Variants in MACROD2 observed in about 807,000 individuals in gnomAD.
The protein encoded by MACROD2 is ADP-ribose glycohydrolase MACROD2.
MACROD2 carries 36 observed loss-of-function variants against 70.4 expected under a neutral mutation model. The ratio of observed to expected loss-of-function variants is 0.51; its 90% CI spans 0.39 to 0.68. The LOEUF (loss-of-function observed/expected upper bound fraction) is 0.68. Ranked by LOEUF, MACROD2 falls within the 30% of genes least tolerant of loss-of-function variation. The pLI, the probability that MACROD2 is intolerant of heterozygous loss-of-function variation, is 0.00. For missense variants in MACROD2, 496 were observed against 538.4 expected (o/e 0.92, Z 0.78); for synonymous variants, 172 against 178.8 (o/e 0.96, Z 0.30).
chr20:15,518,450 T>G (rs1211007911), intron 8 of MACROD2, among the ~76,000 whole-genome samples: 2 of 152,256 alleles, frequency 1.3e-5, no homozygotes, highest in African/African-American at 4.8e-5. Context: ...GGCTCAGTAT[T>G]GGCAATTGTG....
chr20:15,537,150 T>C (rs554843584), intron 8 of MACROD2, among the ~76,000 whole-genome samples: 53 of 152,290 alleles, frequency 3.5e-4, no homozygotes, highest in African/African-American at 1.2e-3. Context: ...ATTCTTGTGG[T>C]AGTGAATAAG....
At chr20:15,240,595 G>T (rs568774406) in intron 6 of MACROD2, among the ~76,000 whole-genome samples, 1 of 152,274 alleles carries the variant, frequency 6.6e-6, no homozygotes, top group South Asian at 2.1e-4. Flanking sequence ...AAAGGAAAAT[G>T]GGATAACATA....
intron 5 of MACROD2, among the ~76,000 whole-genome samples, chr20:14,826,374 T>A (rs768383589): frequency 6.6e-6 from 1 of 152,156 alleles, no homozygotes; most frequent in Admixed American, 6.6e-5. Flanking sequence ...ATGTCTCTAA[T>A]ACAAATTCTT....
At chr20:14,077,712 G>GA (rs1463138019) in intron 2 of MACROD2, among the ~76,000 whole-genome samples, 1 of 152,032 alleles carries the variant, frequency 6.6e-6, no homozygotes, top group Non-Finnish European at 1.5e-5. Flanking sequence ...TGCAGAAAAG[G>GA]AATTCTTTAT....
At chr20:14,303,743 A>G (rs2082496185) in intron 3 of MACROD2, among the ~76,000 whole-genome samples, 1 of 152,114 alleles carries the variant, frequency 6.6e-6, no homozygotes, top group Non-Finnish European at 1.5e-5. Context: ...AGCCTCCCTG[A>G]CACCACTCCC....
chr20:14,559,810 A>G (rs1215966558), intron 4 of MACROD2, among the ~76,000 whole-genome samples: 1 of 151,802 alleles, frequency 6.6e-6, no homozygotes, highest in Non-Finnish European at 1.5e-5. Flanking sequence ...ACTTGTACAT[A>G]CCCTTTGGGA....
At chr20:15,371,750 C>T (rs2045497378) in intron 6 of MACROD2, among the ~76,000 whole-genome samples, 2 of 151,922 alleles carry the variant, frequency 1.3e-5, no homozygotes, top group African/African-American at 4.8e-5. Flanking sequence ...TTAAAAAGCA[C>T]CTAGAATGGA....
intron 1 of MACROD2, among the ~76,000 whole-genome samples, chr20:13,998,867 A>G (rs989231743): frequency 6.6e-6 from 1 of 152,004 alleles, no homozygotes; most frequent in African/African-American, 2.4e-5. Context: ...AGGCAGGAGA[A>G]ACGCTTGAAT....
At chr20:14,873,599 A>G (rs1444708395) in intron 5 of MACROD2, among the ~76,000 whole-genome samples, 1 of 152,186 alleles carries the variant, frequency 6.6e-6, no homozygotes, top group Non-Finnish European at 1.5e-5. Flanking sequence ...GCAATGGCTC[A>G]CACCTGTAAT....
At chr20:15,638,970 C>A (rs1473719815) in intron 8 of MACROD2, among the ~76,000 whole-genome samples, 1 of 152,162 alleles carries the variant, frequency 6.6e-6, no homozygotes, top group African/African-American at 2.4e-5. Flanking sequence ...TGTGTCATTT[C>A]TGTTTCCTAA....
At chr20:14,391,819 A>T (rs879323177) in intron 3 of MACROD2, among the ~76,000 whole-genome samples, 1 of 143,920 alleles carries the variant, frequency 6.9e-6, no homozygotes, top group South Asian at 2.4e-4. Flanking sequence ...GGCCTACTAG[A>T]TGGGGGAAAG....
intron 8 of MACROD2, among the ~76,000 whole-genome samples, chr20:15,607,658 TGAATA>T (rs1388287377): frequency 6.6e-6 from 1 of 152,098 alleles, no homozygotes; most frequent in African/African-American, 2.4e-5. Context: ...CTCGGCCTCC[TGAATA>T]GCTGGGATTA....
At chr20:14,636,282 A>T (rs1249043588) in intron 4 of MACROD2, among the ~76,000 whole-genome samples, 1 of 152,038 alleles carries the variant, frequency 6.6e-6, no homozygotes, top group Non-Finnish European at 1.5e-5. Flanking sequence ...TTTCTGGCTT[A>T]ATAGGAACTT....
intron 4 of MACROD2, among the ~76,000 whole-genome samples, chr20:14,499,106 A>G (rs2084888504): frequency 6.6e-6 from 1 of 152,224 alleles, no homozygotes; most frequent in Admixed American, 6.5e-5. Context: ...CCTGGGGAAC[A>G]GCAACAGCCT....
intron 3 of MACROD2, among the ~76,000 whole-genome samples, chr20:14,135,770 G>A (rs983366933): frequency 5.3e-5 from 8 of 152,134 alleles, no homozygotes. Context: ...CAGAAATCTA[G>A]TATTAGAAGG....
rs142022373 is a variant in MACROD2 at position 14,871,880 on chromosome 20, T to C, written c.418+186921T>C. 1.7e-4 allele frequency among the ~76,000 whole-genome samples: 26 copies of C among 152,080 alleles called. No homozygotes were observed. In the East Asian group the frequency reaches 5.0e-3, roughly 29 times the overall value. Reference sequence around the variant, plus strand: ...AAGCTGGAGTTATAATCCCAGTTTCTGACAAAATGGACTTTAAACCAACAA... The same window carrying C: ...AAGCTGGAGTTATAATCCCAGTTTCCGACAAAATGGACTTTAAACCAACAA... On this transcript the variant is annotated intron_variant, in intron 5 of 17. Transcript: ENST00000684519.
chr20:14,456,257 TA>T (rs1306247128), intron 3 of MACROD2, among the ~76,000 whole-genome samples: 1 of 151,842 alleles, frequency 6.6e-6, no homozygotes, highest in African/African-American at 2.4e-5. Flanking sequence ...CAGGAGTGAA[TA>T]AGGTTACGCA....
rs547904312 is a variant in MACROD2, at chr20:14,080,515, G to C, written c.164-5106G>C. ...AATTCCAGTAAAACAAACTCAAAAA[G>C]GCCTAAGTGGTCATTTTTGCTGCAA... On this transcript the variant is annotated intron_variant, in intron 2 of 17. Coordinates refer to ENST00000684519, the MANE Select transcript of MACROD2 (RefSeq NM_001351661.2). Among the ~76,000 whole-genome samples the C allele has an allele frequency of 1.2e-4, 18 of 144,316 alleles. No individual in the cohort carries two copies. In the South Asian group the frequency reaches 4.0e-3, roughly 32 times the overall value. 94.7% of individuals were successfully genotyped at this position (144,316 alleles called of 152,430 possible).
chr20:15,861,076 T>A (rs767750716), intron 8 of MACROD2, among the ~76,000 whole-genome samples: 1 of 152,208 alleles, frequency 6.6e-6, no homozygotes, highest in African/African-American at 2.4e-5. Flanking sequence ...TGTTTACACT[T>A]TGGTTTGATT....
Sources: allele counts gnomAD v4.1 joint callset (sites outside exome capture counted in the v4.1 genomes callset), GRCh38; gene constraint gnomAD v4.1.1; transcripts MANE v1.5; gene names NCBI Gene and HGNC (gene_info 2026-07-23, HGNC 2026-07-21).